Variants in BRI3BP observed in about 807,000 individuals in gnomAD.
BRI3BP encodes the protein BRI3 binding protein.
Under a neutral mutation model 15.8 loss-of-function variants are expected in BRI3BP, and 7 were observed. The ratio of observed to expected loss-of-function variants is 0.44; its 90% CI spans 0.25 to 0.83. The LOEUF (loss-of-function observed/expected upper bound fraction) is 0.83, where lower values mean the gene tolerates loss of function less well. Among genes scored for constraint, BRI3BP ranks in the 40% least tolerant of loss-of-function variants. BRI3BP has a pLI of 0.20. For synonymous variants in BRI3BP, 192 were observed against 163.5 expected, an observed-to-expected ratio of 1.17 and a Z score of -1.33; for missense variants, 320 against 339.3, an observed-to-expected ratio of 0.94 and a Z score of 0.45.
At chr12:125,032,024 C>T (rs557250339), downstream of BRI3BP, among the ~76,000 whole-genome samples, 1 of 152,120 alleles carries the variant, frequency 6.6e-6, no homozygotes, top group African/African-American at 2.4e-5. Context: ...GGTGGCCTGT[C>T]ACTGGGAAAG....
intron 1 of BRI3BP, among the ~76,000 whole-genome samples, chr12:125,001,492 T>TGG (rs1408455651): frequency 1.3e-5 from 2 of 152,198 alleles, no homozygotes; most frequent in African/African-American, 4.8e-5. Context: ...CCTGAGTAGC[T>TGG]GGGCTTACAA....
intron 1 of BRI3BP, among the ~76,000 whole-genome samples, chr12:125,007,645 G>A (rs1347084060): frequency 6.6e-6 from 1 of 151,780 alleles, no homozygotes; most frequent in African/African-American, 2.4e-5. Flanking sequence ...CTTGAACCCA[G>A]GAGTTTGAGA....
chr12:125,047,931 A>G, the BRI3BP span, among the ~76,000 whole-genome samples: 9 of 150,682 alleles, frequency 6.0e-5, no homozygotes, highest in Non-Finnish European at 1.2e-4. Flanking sequence ...CCCTGACCTC[A>G]GGTGAACTGC....
rs571259108 is a variant in BRI3BP at position 125,025,660 on chromosome 12, A to T, written c.*230A>T. 1.5e-4 allele frequency: 75 copies of T among 514,842 alleles called. No homozygotes were observed. The highest frequency in any genetic ancestry group is 1.3e-3 in the African/African-American group (68 of 52,774). 31.9% of individuals were successfully genotyped at this position (514,842 alleles called of 1,614,324 possible). A position where few individuals can be genotyped will look rare whatever the true frequency, so the allele number is the denominator to read the frequency against. ...ACGAAGTGTAATTAGTGGGGGAAAAAATATTTTTTAAACAAAGGATATAAC... is the reference window on the plus strand; with the variant it reads ...ACGAAGTGTAATTAGTGGGGGAAAATATATTTTTTAAACAAAGGATATAAC... On this transcript the variant is annotated 3_prime_UTR_variant, in exon 3 of 3. Coordinates refer to ENST00000341446, the MANE Select transcript of BRI3BP (RefSeq NM_080626.6).
At chr12:125,021,687 G>A (rs1040248821) in intron 2 of BRI3BP, among the ~76,000 whole-genome samples, 7 of 152,184 alleles carry the variant, frequency 4.6e-5, no homozygotes, top group South Asian at 2.1e-4. Flanking sequence ...AGCAAGGCAC[G>A]TCTTACGTGG....
chr12:124,996,890 C>T (rs1323495886), intron 1 of BRI3BP, among the ~76,000 whole-genome samples: 1 of 151,678 alleles, frequency 6.6e-6, no homozygotes, highest in East Asian at 1.9e-4. Flanking sequence ...CCCTGAGTAG[C>T]TGGGATTACA....
At chr12:125,041,237 T>C in the BRI3BP span, among the ~76,000 whole-genome samples, 1 of 150,854 alleles carries the variant, frequency 6.6e-6, no homozygotes, top group South Asian at 2.1e-4. Flanking sequence ...TGTGTATTTT[T>C]AGTAGAGACA....
intron 2 of BRI3BP, among the ~76,000 whole-genome samples, chr12:125,018,057 A>G (rs1005783452): frequency 6.6e-6 from 1 of 152,086 alleles, no homozygotes; most frequent in Non-Finnish European, 1.5e-5. Context: ...GGGCTTACAA[A>G]GGGGCCCTCC....
the BRI3BP span, among the ~76,000 whole-genome samples, chr12:125,043,002 C>T: frequency 2.2e-3 from 339 of 151,722 alleles, 4 homozygotes; most frequent in Admixed American, 7.5e-3. Flanking sequence ...AATTTGAAAT[C>T]GATTGTATGG....
At chr12:125,015,510 T>C (rs1458544368) in intron 2 of BRI3BP, among the ~76,000 whole-genome samples, 1 of 151,872 alleles carries the variant, frequency 6.6e-6, no homozygotes. Context: ...TGGATGAATT[T>C]CTGTTGTAAA....
chr12:124,999,989 T>C (rs1477219064), intron 1 of BRI3BP, among the ~76,000 whole-genome samples: 1 of 139,190 alleles, frequency 7.2e-6, no homozygotes, highest in Non-Finnish European at 1.5e-5. Context: ...TCCATCGATA[T>C]GTTCTGGGAA....
intron 2 of BRI3BP, among the ~76,000 whole-genome samples, chr12:125,014,203 C>T (rs754397687): frequency 6.6e-6 from 1 of 152,176 alleles, no homozygotes. Context: ...CTCCACTGCT[C>T]TCCTTCTGTC....
At chr12:125,044,703 G>A in the BRI3BP span, among the ~76,000 whole-genome samples, 1 of 152,060 alleles carries the variant, frequency 6.6e-6, no homozygotes, top group Non-Finnish European at 1.5e-5. Flanking sequence ...GTCTGCCTTG[G>A]GCTCCCAAAG....
the BRI3BP span, among the ~76,000 whole-genome samples, chr12:125,045,248 T>C: frequency 6.6e-6 from 1 of 152,218 alleles, no homozygotes; most frequent in Non-Finnish European, 1.5e-5. Context: ...CCACTTTGCG[T>C]AAGAAATGGA....
intron 2 of BRI3BP, among the ~76,000 whole-genome samples, chr12:125,015,531 G>C (rs7316480): frequency 2.0e-5 from 3 of 151,780 alleles, no homozygotes; most frequent in Admixed American, 1.3e-4. Flanking sequence ...CCACCCAGTT[G>C]GTAGTGGTTT....
chr12:125,046,753 T>C, the BRI3BP span, among the ~76,000 whole-genome samples: 1 of 152,256 alleles, frequency 6.6e-6, no homozygotes, highest in Admixed American at 6.5e-5. Context: ...CATACGTGCG[T>C]GTTTTTACAT....
At chr12:125,016,194 GT>G (rs920250931) in intron 2 of BRI3BP, among the ~76,000 whole-genome samples, 2 of 152,156 alleles carry the variant, frequency 1.3e-5, no homozygotes, top group Admixed American at 6.6e-5. Flanking sequence ...TTCTAGTTCT[GT>G]TTGATGCGTA....
rs1955400106 is a variant in BRI3BP, at chr12:125,030,749, T to C, written c.*5319T>C. On this transcript the variant is annotated 3_prime_UTR_variant, in exon 3 of 3. Coordinates refer to ENST00000341446, the MANE Select transcript of BRI3BP (RefSeq NM_080626.6). ...TGTAATTAAACTGATTAACTTGTGA[T>C]GGTGATGGTGATTAGCACACACTAA... 3 of 152,242 alleles carry C rather than the reference T, an allele frequency of 2.0e-5. No individual in the cohort carries two copies. Among genetic ancestry groups the C allele is most frequent in the African/African-American group, 7.2e-5 (3 of 41,470 alleles). 9.4% of individuals were successfully genotyped at this position (152,242 alleles called of 1,614,324 possible).
intron 2 of BRI3BP, among the ~76,000 whole-genome samples, chr12:125,017,413 C>A (rs963685244): frequency 6.6e-6 from 1 of 152,056 alleles, no homozygotes; most frequent in African/African-American, 2.4e-5. Context: ...CCTTGGCCTC[C>A]CAGAGTGCTG....
Sources: allele counts gnomAD v4.1 joint callset (sites outside exome capture counted in the v4.1 genomes callset), GRCh38; gene constraint gnomAD v4.1.1; transcripts MANE v1.5; gene names NCBI Gene and HGNC (gene_info 2026-07-23, HGNC 2026-07-21).